Variants in C12orf56 observed in about 807,000 individuals in gnomAD.
C12orf56 encodes chromosome 12 open reading frame 56.
Under a neutral mutation model 69.9 loss-of-function variants are expected in C12orf56, and 71 were observed. That is an observed-to-expected ratio of 1.02 (90% CI 0.84 to 1.24). The LOEUF (loss-of-function observed/expected upper bound fraction) is 1.24. C12orf56 is among the 50% of genes most tolerant of loss of function. The probability of loss-of-function intolerance (pLI) is 0.00; values close to 1 mark genes in which losing one functional copy is unlikely to be tolerated. For missense variants in C12orf56, 732 were observed against 738.5 expected (o/e 0.99, Z 0.10); for synonymous variants, 276 against 274.1 (o/e 1.01, Z -0.07).
chr12:64,283,572 C>T (rs902428757), intron 8 of C12orf56, among the ~76,000 whole-genome samples: 21 of 152,118 alleles, frequency 1.4e-4, no homozygotes, highest in Admixed American at 3.3e-4. Context: ...CTGAAGTTCT[C>T]ACCAGGAGAA....
intron 7 of C12orf56, among the ~76,000 whole-genome samples, chr12:64,285,656 C>T (rs1224638450): frequency 6.6e-6 from 1 of 152,028 alleles, no homozygotes; most frequent in African/African-American, 2.4e-5. Context: ...GGCGTGGTGG[C>T]GTAAGCTTGT....
intron 1 of C12orf56, among the ~76,000 whole-genome samples, chr12:64,372,309 A>G (rs1243312551): frequency 6.6e-6 from 1 of 152,188 alleles, no homozygotes; most frequent in African/African-American, 2.4e-5. Flanking sequence ...CCTTTGTTCA[A>G]AAAAAACCCT....
chr12:64,283,903 T>G (rs1003087149), intron 8 of C12orf56, among the ~76,000 whole-genome samples: 1 of 131,230 alleles, frequency 7.6e-6, no homozygotes, highest in Non-Finnish European at 1.6e-5. Flanking sequence ...TATTTTAGAG[T>G]ATCTATTTTT....
chr12:64,287,346 T>G (rs926015593), intron 6 of C12orf56, among the ~76,000 whole-genome samples: 10 of 151,304 alleles, frequency 6.6e-5, no homozygotes, highest in African/African-American at 1.2e-4. Context: ...GCAGTTTTTT[T>G]TTGTTGTTTT....
At chr12:64,379,288 A>ATTT (rs375429247) in intron 1 of C12orf56, among the ~76,000 whole-genome samples, 1 of 141,774 alleles carries the variant, frequency 7.1e-6, no homozygotes, top group Non-Finnish European at 1.5e-5. Context: ...ATGCAATTTC[A>ATTT]TTTTTTTTTT....
chr12:64,271,407 T>G (rs1403416166), intron 11 of C12orf56, among the ~76,000 whole-genome samples: 1 of 152,108 alleles, frequency 6.6e-6, no homozygotes, highest in Non-Finnish European at 1.5e-5. Context: ...GAGGTTGCAG[T>G]GAGCCAAGAT....
intron 6 of C12orf56, among the ~76,000 whole-genome samples, chr12:64,298,689 G>A (rs1399109840): frequency 1.3e-5 from 2 of 152,174 alleles, no homozygotes; most frequent in Admixed American, 6.5e-5. Flanking sequence ...TCAGATGGTT[G>A]TAGATGTGTG....
chr12:64,353,543 A>G (rs941572080), intron 1 of C12orf56, among the ~76,000 whole-genome samples: 2 of 150,964 alleles, frequency 1.3e-5, no homozygotes, highest in South Asian at 4.2e-4. Context: ...TTATTTCTCT[A>G]TTTGTTTTAG....
intron 1 of C12orf56, among the ~76,000 whole-genome samples, chr12:64,379,441 T>C (rs935966568): frequency 6.6e-6 from 1 of 151,872 alleles, no homozygotes; most frequent in Non-Finnish European, 1.5e-5. Context: ...CCCGCCACCA[T>C]GCCCGGCTAT....
intron 6 of C12orf56, among the ~76,000 whole-genome samples, chr12:64,286,316 A>G (rs939384301): frequency 2.0e-5 from 3 of 152,226 alleles, no homozygotes; most frequent in African/African-American, 7.2e-5. Flanking sequence ...TGGCTTGACC[A>G]TTAACCTTGA....
intron 6 of C12orf56, among the ~76,000 whole-genome samples, chr12:64,295,573 C>G (rs954731298): frequency 2.6e-5 from 4 of 151,962 alleles, no homozygotes; most frequent in Admixed American, 6.6e-5. Flanking sequence ...GGGAAGTACT[C>G]AGCTACTCAG....
chr12:64,388,669 A>G (rs2039825910), intron 1 of C12orf56, among the ~76,000 whole-genome samples: 1 of 152,226 alleles, frequency 6.6e-6, no homozygotes, highest in African/African-American at 2.4e-5. Context: ...AGCTTGGGCA[A>G]CACTGCAAGA....
chr12:64,321,400 C>T (rs1432481386), intron 3 of C12orf56, among the ~76,000 whole-genome samples: 1 of 152,202 alleles, frequency 6.6e-6, no homozygotes, highest in Admixed American at 6.5e-5. Flanking sequence ...GTCTTAAACT[C>T]CTGCCCTCAA....
At position 64,365,741 on chromosome 12, in the gene C12orf56, ATAAT is replaced by A. The variant is rs1017996566; in HGVS notation, c.253-12689_253-12686del. 1.6e-4 allele frequency among the ~76,000 whole-genome samples: 23 copies of A among 143,950 alleles called. 1 individual carries two copies. Among genetic ancestry groups the A allele is most frequent in the Admixed American group, 1.4e-3 (19 of 13,688 alleles). The allele number at this position is 143,950 out of a possible 152,430, so 94.4% of individuals were successfully genotyped here. On this transcript the variant is annotated intron_variant, in intron 1 of 12. Transcript: ENST00000543942. ...ATATAATATATAATATATAGTTTAT[ATAAT>A]ATATATAATATATAGTTTATATAAT... is the stretch of plus-strand genomic sequence containing the variant.
chr12:64,278,865 C>T (rs59864846), intron 8 of C12orf56, among the ~76,000 whole-genome samples: 2,897 of 152,202 alleles, frequency 0.019, 94 homozygotes, highest in African/African-American at 0.065. Context: ...AAGTCAAACT[C>T]GTATTTGTCT....
At chr12:64,386,758 T>C (rs574457406) in intron 1 of C12orf56, among the ~76,000 whole-genome samples, 4 of 151,296 alleles carry the variant, frequency 2.6e-5, no homozygotes, top group African/African-American at 7.3e-5. Context: ...CTCAAACTCC[T>C]GACCTCAGGT....
chr12:64,285,445 G>T (rs972417899), intron 7 of C12orf56, among the ~76,000 whole-genome samples: 4 of 152,048 alleles, frequency 2.6e-5, no homozygotes, highest in Non-Finnish European at 4.4e-5. Flanking sequence ...CTAGTTTCTT[G>T]TGCATCCTTC....
chr12:64,361,481 C>T lies in C12orf56; in HGVS notation c.253-8425G>A, dbSNP rs186231148. 5.9e-4 allele frequency among the ~76,000 whole-genome samples: 90 copies of T among 152,230 alleles called. 1 individual carries two copies. Among genetic ancestry groups the T allele is most frequent in the South Asian group, 4.1e-3 (20 of 4,822 alleles). ...ATAAAACAGCTTGCAGTAAAGAAGTCAGCTAAAACCCACCAAAACCAAGAT... is the reference window on the plus strand; with the variant it reads ...ATAAAACAGCTTGCAGTAAAGAAGTTAGCTAAAACCCACCAAAACCAAGAT... On this transcript the variant is annotated intron_variant, in intron 1 of 12. Coordinates refer to ENST00000543942, the MANE Select transcript of C12orf56 (RefSeq NM_001170633.2).
At chr12:64,273,036 G>A (rs2038009274) in intron 11 of C12orf56, among the ~76,000 whole-genome samples, 2 of 152,214 alleles carry the variant, frequency 1.3e-5, no homozygotes, top group African/African-American at 4.8e-5. Flanking sequence ...AGTGGCTCAT[G>A]CCTGTAATAG....
Sources: gnomAD v4.1 joint callset for allele counts (sites outside exome capture counted in the v4.1 genomes callset) on GRCh38, gnomAD v4.1.1 for gene constraint, MANE v1.5 for transcripts, NCBI Gene and HGNC (gene_info 2026-07-23, HGNC 2026-07-21) for gene names.